Variants in PSD4 observed in about 807,000 individuals in gnomAD.
PSD4 encodes the protein pleckstrin and Sec7 domain containing 4.
In PSD4, 59 loss-of-function variants were observed where a neutral mutation model predicts 112.5. The ratio of observed to expected loss-of-function variants is 0.52; its 90% CI spans 0.43 to 0.65. PSD4 has a LOEUF of 0.65. Ranked by LOEUF, PSD4 falls within the 30% of genes least tolerant of loss-of-function variation. PSD4 has a pLI of 0.00. For synonymous variants in PSD4, 533 were observed against 540.0 expected (o/e 0.99, Z 0.18); for missense variants, 1,267 against 1,352.6 (o/e 0.94, Z 0.99).
At chr2:113,198,407 G>A (rs1167992035) in intron 14 of PSD4, among the ~76,000 whole-genome samples, 2 of 152,208 alleles carry the variant, frequency 1.3e-5, no homozygotes, top group Non-Finnish European at 2.9e-5. Context: ...GAGTAGCTGG[G>A]ATTAAAGGCG....
In PSD4 at chr2:113,207,778, C is replaced by T. The variant is rs1688884183; in HGVS notation, c.*6363C>T. The T allele has an allele frequency of 6.6e-6, 1 of 152,094 alleles. No homozygotes were observed. The highest frequency in any genetic ancestry group is 6.5e-5 in the Admixed American group (1 of 15,272). 9.4% of individuals were successfully genotyped at this position (152,094 alleles called of 1,614,324 possible). The stretch of plus-strand genomic sequence containing the variant: ...CGGCCCTCTTCATTTCTTTTTGCCT[C>T]TCTGCTTCCAGAGCAACATAAACTC... On this transcript the variant is annotated 3_prime_UTR_variant, in exon 17 of 17. Transcript: ENST00000245796.
Position 113,183,392 on chromosome 2 carries a change from C to T in PSD4, c.936C>T (p.Ile312=). The T allele has an allele frequency of 6.3e-7, 1 of 1,575,606 alleles. No homozygotes were observed. The highest frequency in any genetic ancestry group is 8.6e-7 in the Non-Finnish European group (1 of 1,160,014). ...CAGATTTGGGGGACGGCGCTGCTAT[C>T]AGTGGGCATTGTACCCCTCCATTCC... ...SEPDLGDGAA[I]SGHCTPPFPV... is the part of the protein sequence containing the mutation. Residue 312 remains isoleucine, a synonymous_variant, in exon 2 of 17, where the codon ATC becomes ATT. Coordinates refer to ENST00000245796, the MANE Select transcript of PSD4 (RefSeq NM_012455.3).
At chr2:113,185,524 C>T in intron 4 of PSD4, 84 bp downstream of exon 4, 1 of 1,608,060 alleles carries the variant, frequency 6.2e-7, no homozygotes, top group African/African-American at 1.3e-5. Flanking sequence ...TTCTTGGATC[C>T]ATGGTTGCCA....
At chr2:113,187,043 C>A in intron 5 of PSD4, among the ~76,000 whole-genome samples, 1 of 152,188 alleles carries the variant, frequency 6.6e-6, no homozygotes. Flanking sequence ...CCGAGCTCAG[C>A]GCCTTGAATG....
At position 113,182,920 on chromosome 2, in the gene PSD4, T is replaced by C. The variant is rs1306756041; in HGVS notation, c.464T>C (p.Val155Ala). The C allele has an allele frequency of 6.2e-7, 1 of 1,614,170 alleles. No homozygotes were observed. Among genetic ancestry groups the C allele is most frequent in the Non-Finnish European group, 8.5e-7 (1 of 1,180,018 alleles). The change falls in exon 2 of 17, where the codon GTG becomes GCG. Residue 155 changes from valine (V) to alanine (A), a missense_variant. Transcript: ENST00000245796. The part of the protein sequence containing the change: ...KQNRSTSTQV[V>A]FWAGILQAQM... Reference sequence around the variant, plus strand: ...AACCGGAGCACGTCCACACAGGTAGTGTTCTGGGCAGGCATCCTGCAGGCC... The same window carrying C: ...AACCGGAGCACGTCCACACAGGTAGCGTTCTGGGCAGGCATCCTGCAGGCC...
Position 113,185,369 on chromosome 2 carries a change from C to T in PSD4, c.1178C>T (p.Ser393Phe). ...TGCCTTTGCCTCTCTCAACAGGCCT[C>T]TCTCAGCCCTGAGGGCTGGCAGAGA... ...PAAHPVQPWA[S>F]LSPEGWQRGG... The change falls in exon 4 of 17, where the codon TCT (serine) becomes TTT (phenylalanine). Residue 393 changes from serine (S) to phenylalanine (F), a missense_variant. Transcript: ENST00000245796. 6.2e-7 allele frequency: 1 copy of T among 1,614,194 alleles called. No individual in the cohort carries two copies. The highest frequency in any genetic ancestry group is 8.5e-7 in the Non-Finnish European group (1 of 1,180,038).
At chr2:113,189,539 G>T (rs975225252) in intron 5 of PSD4, among the ~76,000 whole-genome samples, 24 of 152,050 alleles carry the variant, frequency 1.6e-4, no homozygotes, top group Non-Finnish European at 3.4e-4. Context: ...CCCAGTAGTG[G>T]GATTGCTGGA....
intron 1 of PSD4, among the ~76,000 whole-genome samples, chr2:113,175,708 C>G (rs1046722566): frequency 2.0e-5 from 3 of 152,214 alleles, no homozygotes; most frequent in Non-Finnish European, 4.4e-5. Context: ...GAAACAGAGA[C>G]AGGCACCCTC....
intron 1 of PSD4, among the ~76,000 whole-genome samples, chr2:113,178,116 G>A (rs1230742120): frequency 6.6e-6 from 1 of 152,160 alleles, no homozygotes; most frequent in Non-Finnish European, 1.5e-5. Flanking sequence ...TACTTGGGAG[G>A]CTGAGACAGG....
At position 113,196,114 on chromosome 2, in the gene PSD4, T is replaced by G. The variant is rs1205065544; in HGVS notation, c.2226-33T>G. 2.5e-6 allele frequency: 4 copies of G among 1,593,278 alleles called. No individual in the cohort carries two copies. In the Admixed American group the frequency reaches 6.7e-5, roughly 27 times the overall value. On this transcript the variant is annotated intron_variant, in intron 11 of 16. Coordinates refer to ENST00000245796, the MANE Select transcript of PSD4 (RefSeq NM_012455.3). Reference sequence around the variant, plus strand: ...ATACCTCCCAGTTCTCTTTGCATAGTCAGCACTTCCAGCCCGATTCTCTGA... The same window carrying G: ...ATACCTCCCAGTTCTCTTTGCATAGGCAGCACTTCCAGCCCGATTCTCTGA...
rs749467877 is a variant in PSD4, at chr2:113,183,123, C to G, written c.667C>G (p.Gln223Glu). Residue 223 changes from glutamine (Q) to glutamate (E), a missense_variant, in exon 2 of 17, where the codon CAG (glutamine) becomes GAG (glutamate). Coordinates refer to ENST00000245796, the MANE Select transcript of PSD4 (RefSeq NM_012455.3). Reference sequence around the variant, plus strand: ...CAGCAGTGAGCCTGAGGGAGAGGGCCAGGCATGGCTGAGAGAGGGAACCCC... The same window carrying G: ...CAGCAGTGAGCCTGAGGGAGAGGGCGAGGCATGGCTGAGAGAGGGAACCCC... ...EDSSEPEGEG[Q>E]AWLREGTPDS... 12 of 1,613,924 alleles carry G rather than the reference C, an allele frequency of 7.4e-6. No individual in the cohort carries two copies. The highest frequency in any genetic ancestry group is 1.0e-5 in the Non-Finnish European group (12 of 1,179,866).
intron 14 of PSD4, 138 bp from the exon 15 acceptor site, chr2:113,198,602 C>G: frequency 1.9e-6 from 2 of 1,070,036 alleles, no homozygotes. Context: ...GGGTGCCCGG[C>G]TAGTGGCAGG....
chr2:113,183,582 C>A, intron 2 of PSD4, 70 bp downstream of exon 2: 2 of 1,366,792 alleles, frequency 1.5e-6, no homozygotes, highest in Non-Finnish European at 9.9e-7. Context: ...CCTCGGGGGT[C>A]ACCAGGCCCA....
intron 1 of PSD4, among the ~76,000 whole-genome samples, chr2:113,176,027 T>C (rs1288753456): frequency 1.3e-5 from 2 of 152,166 alleles, no homozygotes; most frequent in African/African-American, 2.4e-5. Context: ...AGAGTTAGGA[T>C]GGGATTCTGC....
intron 5 of PSD4, among the ~76,000 whole-genome samples, chr2:113,188,084 T>C (rs1164843080): frequency 6.6e-6 from 1 of 152,072 alleles, no homozygotes; most frequent in African/African-American, 2.4e-5. Flanking sequence ...TTGTCACATC[T>C]AAAGAGAATT....
rs1688824003 is a variant in PSD4, at chr2:113,203,621, A to G, written c.*2206A>G. The stretch of plus-strand genomic sequence containing the variant: ...CTCTTGTAACCCAGGCTGGAGTGCA[A>G]TGGTGTGATCTTGGCTGACTGCAAC... On this transcript the variant is annotated 3_prime_UTR_variant, in exon 17 of 17. Transcript: ENST00000245796. 8.3e-6 allele frequency: 1 copy of G among 120,190 alleles called. No individual in the cohort carries two copies. Among genetic ancestry groups the G allele is most frequent in the South Asian group, 2.8e-4 (1 of 3,520 alleles). 7.4% of individuals were successfully genotyped at this position (120,190 alleles called of 1,614,324 possible).
intron 10 of PSD4, 140 bp downstream of exon 10, chr2:113,194,088 T>C: frequency 1.3e-6 from 1 of 744,230 alleles, no homozygotes; most frequent in Non-Finnish European, 2.2e-6. Flanking sequence ...GAAGGGCTAG[T>C]AAAAGTGTAT....
At position 113,182,547 on chromosome 2, in the gene PSD4, G is replaced by A; in HGVS notation, c.91G>A (p.Glu31Lys). Reference protein sequence around the residue: ...LGDSLEPHPGECPRETCSHED... With the variant: ...LGDSLEPHPGKCPRETCSHED... ...AGACAGCCTGGAGCCCCACCCAGGAGAGTGCCCAAGGGAAACGTGCAGCCA... is the reference window on the plus strand; with the variant it reads ...AGACAGCCTGGAGCCCCACCCAGGAAAGTGCCCAAGGGAAACGTGCAGCCA... The change falls in exon 2 of 17, where the codon GAG becomes AAG. Residue 31 changes from glutamate to lysine, a missense_variant. Glu to Lys is a moderately conservative substitution (Grantham distance 56). This residue lies in a region of PSD4 where 723 missense variants were observed against 704.0 expected (regional missense o/e 1.03). Coordinates refer to ENST00000245796, the MANE Select transcript of PSD4 (RefSeq NM_012455.3). 1 of 1,614,188 alleles carries A rather than the reference G, an allele frequency of 6.2e-7. No homozygotes were observed. The highest frequency in any genetic ancestry group is 8.5e-7 in the Non-Finnish European group (1 of 1,180,032).
At chr2:113,176,618 A>G (rs1687988156) in intron 1 of PSD4, among the ~76,000 whole-genome samples, 2 of 152,248 alleles carry the variant, frequency 1.3e-5, no homozygotes, top group Non-Finnish European at 2.9e-5. Context: ...TAGAGGTAAC[A>G]GAACTCAACT....
Sources: gnomAD v4.1 joint callset for allele counts (sites outside exome capture counted in the v4.1 genomes callset) on GRCh38, gnomAD v4.1.1 for gene constraint, gnomAD v4.1.1 regional missense constraint, MANE v1.5 for transcripts, NCBI Gene and HGNC (gene_info 2026-07-23, HGNC 2026-07-21) for gene names.